LARP1B: variants seen among roughly 807,000 people sequenced by gnomAD.
LARP1B encodes the protein La ribonucleoprotein 1B.
Under a neutral mutation model 114.2 loss-of-function variants are expected in LARP1B, and 76 were observed. That is an observed-to-expected ratio of 0.67 (90% CI 0.55 to 0.81). LARP1B has a LOEUF of 0.81. Ranked by LOEUF, LARP1B falls within the 30% of genes least tolerant of loss-of-function variation. The probability of loss-of-function intolerance (pLI) is 0.00; values close to 1 mark genes in which losing one functional copy is unlikely to be tolerated. For synonymous variants in LARP1B, 345 were observed against 348.0 expected, an observed-to-expected ratio of 0.99 and a Z score of 0.10; for missense variants, 1,014 against 1,075.8, an observed-to-expected ratio of 0.94 and a Z score of 0.80.
At chr4:128,146,716 A>G (rs1421114202) in intron 11 of LARP1B, among the ~76,000 whole-genome samples, 2 of 152,172 alleles carry the variant, frequency 1.3e-5, no homozygotes, top group African/African-American at 4.8e-5. Flanking sequence ...TGGTAGTAGC[A>G]TGTGGTGTTC....
intron 3 of LARP1B, 58 bp downstream of exon 3, chr4:128,075,051 A>G (rs1767258602): frequency 1.8e-6 from 2 of 1,110,464 alleles, no homozygotes; most frequent in East Asian, 2.4e-5. Context: ...TCATTTCGAC[A>G]TGCAGAATTT....
At chr4:128,063,115 GTA>G (rs1760929916) in intron 1 of LARP1B, among the ~76,000 whole-genome samples, 1 of 152,076 alleles carries the variant, frequency 6.6e-6, no homozygotes, top group Admixed American at 6.6e-5. Flanking sequence ...TATTTTGATT[GTA>G]GTAACTGCAA....
At chr4:128,165,407 ATAGAT>A (rs1204813142) in intron 12 of LARP1B, among the ~76,000 whole-genome samples, 7 of 152,068 alleles carry the variant, frequency 4.6e-5, no homozygotes, top group Admixed American at 6.6e-5. Context: ...GAAATGTTGA[ATAGAT>A]TAATGTTCAA....
chr4:128,116,080 GAA>G (rs761659615), intron 10 of LARP1B, among the ~76,000 whole-genome samples: 15 of 152,228 alleles, frequency 9.9e-5, no homozygotes, highest in Non-Finnish European at 1.8e-4. Context: ...AAAAGGAAAA[GAA>G]AATTGAATTT....
intron 8 of LARP1B, among the ~76,000 whole-genome samples, chr4:128,105,056 G>C (rs1781580664): frequency 7.3e-6 from 1 of 137,344 alleles, no homozygotes; most frequent in African/African-American, 2.6e-5. Flanking sequence ...ATATGGGAAA[G>C]TTTCAAGGAG....
intron 18 of LARP1B, chr4:128,206,833 C>T (rs1382381723): frequency 2.0e-6 from 2 of 985,238 alleles, no homozygotes; most frequent in African/African-American, 3.5e-5. Context: ...TTCTATGCAA[C>T]ATCAGCAGGT....
intron 1 of LARP1B, chr4:128,062,296 C>A (rs1002439157): frequency 1.0e-6 from 1 of 984,692 alleles, no homozygotes; most frequent in African/African-American, 1.7e-5. Context: ...CGCGTGGCGG[C>A]GGTAGCGGGC....
chr4:128,097,399 C>T (rs184360545), intron 7 of LARP1B, among the ~76,000 whole-genome samples: 6 of 152,000 alleles, frequency 3.9e-5, no homozygotes, highest in Admixed American at 3.9e-4. Context: ...TGTTTGCTGC[C>T]CGGGTTCAAG....
chr4:128,093,314 T>G (rs1309422641), intron 7 of LARP1B, among the ~76,000 whole-genome samples: 1 of 152,126 alleles, frequency 6.6e-6, no homozygotes, highest in Non-Finnish European at 1.5e-5. Context: ...AAAGTTTTCC[T>G]GGCCAGGTGC....
At chr4:128,062,873 C>T (rs1476492656) in intron 1 of LARP1B, among the ~76,000 whole-genome samples, 1 of 151,764 alleles carries the variant, frequency 6.6e-6, no homozygotes, top group Non-Finnish European at 1.5e-5. Context: ...CATGTGTAAC[C>T]TGCACGTTGT....
intron 11 of LARP1B, among the ~76,000 whole-genome samples, chr4:128,140,291 C>G (rs1338111729): frequency 6.6e-6 from 1 of 152,062 alleles, no homozygotes; most frequent in Non-Finnish European, 1.5e-5. Flanking sequence ...TTTGAAGTAT[C>G]TATCAGTAGC....
intron 15 of LARP1B, among the ~76,000 whole-genome samples, chr4:128,184,393 C>T (rs1219114968): frequency 2.6e-5 from 4 of 152,142 alleles, no homozygotes; most frequent in Non-Finnish European, 5.9e-5. Flanking sequence ...GCTGAAGGCT[C>T]ATATGACCAT....
At chr4:128,109,892 A>C (rs1338746678) in intron 9 of LARP1B, among the ~76,000 whole-genome samples, 2 of 150,800 alleles carry the variant, frequency 1.3e-5, no homozygotes, top group East Asian at 3.9e-4. Context: ...ATCTTTGGAG[A>C]GTTCAGTTGA....
intron 11 of LARP1B, among the ~76,000 whole-genome samples, chr4:128,137,001 G>A (rs1234588474): frequency 6.6e-6 from 1 of 152,052 alleles, no homozygotes; most frequent in Non-Finnish European, 1.5e-5. Flanking sequence ...AGCATTCAAA[G>A]AAGAAATTAA....
At chr4:128,139,456 G>A (rs1267563417) in intron 11 of LARP1B, among the ~76,000 whole-genome samples, 2 of 152,006 alleles carry the variant, frequency 1.3e-5, no homozygotes, top group African/African-American at 4.8e-5. Context: ...TCACAGCTGC[G>A]ATGTAGTGTG....
chr4:128,146,011 A>G (rs1312675878), intron 11 of LARP1B, among the ~76,000 whole-genome samples: 1 of 152,214 alleles, frequency 6.6e-6, no homozygotes, highest in African/African-American at 2.4e-5. Context: ...AATTGTTACA[A>G]CCAACTTTAG....
intron 11 of LARP1B, among the ~76,000 whole-genome samples, chr4:128,158,289 CA>C (rs1736783679): frequency 6.6e-6 from 1 of 152,164 alleles, no homozygotes; most frequent in South Asian, 2.1e-4. Flanking sequence ...TAAGGTTATA[CA>C]AAATGTGAAT....
At position 128,209,929 on chromosome 4, in the gene LARP1B, T is replaced by C. The variant is rs1366152954; in HGVS notation, c.2621T>C (p.Leu874Pro). The change falls in exon 20 of 20, where the codon CTT (leucine) becomes CCT (proline). Residue 874 changes from leucine to proline, a missense_variant. Leu to Pro is a moderately conservative substitution (Grantham distance 98, BLOSUM62 -3). Transcript: ENST00000326639. ...GGTGAGGAGAGTAATCGTCATAGAC[T>C]TCCACCTAATTCCTCTACAAAGCCA... Reference protein sequence around the residue: ...TSGEESNRHRLPPNSSTKPPN... With the variant: ...TSGEESNRHRPPPNSSTKPPN... The C allele has an allele frequency of 6.2e-7, 1 of 1,613,894 alleles. No homozygotes were observed. Among genetic ancestry groups the C allele is most frequent in the Non-Finnish European group, 8.5e-7 (1 of 1,179,860 alleles).
chr4:128,133,082 G>A (rs1792085317), intron 11 of LARP1B, among the ~76,000 whole-genome samples: 2 of 152,126 alleles, frequency 1.3e-5, no homozygotes, highest in African/African-American at 2.4e-5. Flanking sequence ...TAATGAGAGC[G>A]ATAGGGAGCA....
Sources: gnomAD v4.1 joint callset for allele counts (sites outside exome capture counted in the v4.1 genomes callset) on GRCh38, gnomAD v4.1.1 for gene constraint, MANE v1.5 for transcripts, NCBI Gene and HGNC (gene_info 2026-07-23, HGNC 2026-07-21) for gene names.